Variants in DPP10 observed in about 807,000 individuals in gnomAD.
DPP10 encodes dipeptidyl peptidase like 10.
In DPP10, 33 loss-of-function variants were observed where a neutral mutation model predicts 120.9. The ratio of observed to expected loss-of-function variants is 0.27; its 90% CI spans 0.21 to 0.37. The LOEUF (loss-of-function observed/expected upper bound fraction) is 0.37, where lower values mean the gene tolerates loss of function less well. DPP10 is among the 10% of genes least tolerant of loss of function. The pLI is 1.00. For synonymous variants in DPP10, 337 were observed against 326.1 expected, an observed-to-expected ratio of 1.03 and a Z score of -0.36; for missense variants, 816 against 942.8, an observed-to-expected ratio of 0.87 and a Z score of 1.76.
chr2:115,571,845 TTGTG>T (rs10634118), intron 5 of DPP10, among the ~76,000 whole-genome samples: 1 of 149,676 alleles, frequency 6.7e-6, no homozygotes, highest in African/African-American at 2.5e-5. Flanking sequence ...CTCCAATATC[TTGTG>T]TGTGTGTGTG....
At chr2:114,613,678 T>C (rs1693455089) in intron 1 of DPP10, among the ~76,000 whole-genome samples, 1 of 152,192 alleles carries the variant, frequency 6.6e-6, no homozygotes, top group African/African-American at 2.4e-5. Context: ...CGTATGTTTA[T>C]TGCAGCACTA....
At chr2:115,271,110 G>T (rs1216952805) in intron 1 of DPP10, among the ~76,000 whole-genome samples, 1 of 152,130 alleles carries the variant, frequency 6.6e-6, no homozygotes, top group Non-Finnish European at 1.5e-5. Context: ...AAGGGAATTT[G>T]CATTTAGGTA....
intron 1 of DPP10, among the ~76,000 whole-genome samples, chr2:115,285,030 G>T (rs747253487): frequency 3.3e-5 from 5 of 151,936 alleles, no homozygotes; most frequent in Non-Finnish European, 5.9e-5. Flanking sequence ...ATAATGTCCA[G>T]CTCTTTGTTA....
chr2:115,413,360 G>A (rs766565749), intron 3 of DPP10, among the ~76,000 whole-genome samples: 1 of 152,116 alleles, frequency 6.6e-6, no homozygotes, highest in Non-Finnish European at 1.5e-5. Flanking sequence ...CAGAGACCAT[G>A]AATCAGTAAA....
intron 3 of DPP10, among the ~76,000 whole-genome samples, chr2:115,435,051 C>CATAT (rs58828924): frequency 0.03 from 4,411 of 148,056 alleles, 92 homozygotes; most frequent in South Asian, 0.075. Context: ...CACATGCACA[C>CATAT]ATATATATAT....
chr2:115,751,138 C>T (rs1340232450), intron 10 of DPP10, among the ~76,000 whole-genome samples: 1 of 152,084 alleles, frequency 6.6e-6, no homozygotes, highest in African/African-American at 2.4e-5. Flanking sequence ...CTTCAAATTT[C>T]AACAACATTT....
chr2:115,652,204 A>G (rs1383822043), intron 5 of DPP10, among the ~76,000 whole-genome samples: 1 of 152,046 alleles, frequency 6.6e-6, no homozygotes, highest in Non-Finnish European at 1.5e-5. Context: ...AATTATACCA[A>G]TAAGTTTATG....
chr2:114,803,777 C>G (rs1684475510), intron 1 of DPP10, among the ~76,000 whole-genome samples: 1 of 152,016 alleles, frequency 6.6e-6, no homozygotes, highest in Non-Finnish European at 1.5e-5. Context: ...ATAAGGGAAG[C>G]ACAGCATAAA....
chr2:114,699,965 C>T (rs1458223217), intron 1 of DPP10, among the ~76,000 whole-genome samples: 1 of 152,086 alleles, frequency 6.6e-6, no homozygotes, highest in African/African-American at 2.4e-5. Context: ...ACTTTACTGG[C>T]TACCGTGAAA....
At chr2:115,503,751 G>C (rs771924567) in intron 4 of DPP10, among the ~76,000 whole-genome samples, 3 of 152,058 alleles carry the variant, frequency 2.0e-5, no homozygotes, top group Non-Finnish European at 4.4e-5. Flanking sequence ...TCTTTCTCTA[G>C]AGCAGTGTTT....
At chr2:115,072,734 T>G (rs1707469307) in intron 1 of DPP10, among the ~76,000 whole-genome samples, 1 of 152,106 alleles carries the variant, frequency 6.6e-6, no homozygotes, top group African/African-American at 2.4e-5. Flanking sequence ...GAGAGAAGGG[T>G]GCAGGGATTT....
At chr2:114,508,899 A>T (rs1444751774) in intron 1 of DPP10, among the ~76,000 whole-genome samples, 1 of 152,114 alleles carries the variant, frequency 6.6e-6, no homozygotes, top group Non-Finnish European at 1.5e-5. Context: ...GTCTTTTAAA[A>T]TTAATTATGT....
At chr2:115,565,440 C>A (rs2080939935) in intron 5 of DPP10, among the ~76,000 whole-genome samples, 1 of 152,024 alleles carries the variant, frequency 6.6e-6, no homozygotes, top group East Asian at 1.9e-4. Flanking sequence ...ACTTAAAAAT[C>A]ATAATACATT....
rs71297186 is a variant in DPP10, at chr2:114,468,397, C to CAAAAAAAAAA, written c.60+25574_60+25583dup. 4.6e-3 allele frequency among the ~76,000 whole-genome samples: 323 copies of CAAAAAAAAAA among 69,506 alleles called. 1 individual carries two copies. The highest frequency in any genetic ancestry group is 9.7e-3 in the South Asian group (14 of 1,448). The allele number at this position is 69,506 out of a possible 152,430, so 45.6% of individuals were successfully genotyped here. ...GGATGACCTTGTCAGGCTTACAATG[C>CAAAAAAAAAA]AAAAAAAAAAAAAAAAAAAAAAAAT... On this transcript the variant is annotated intron_variant, in intron 1 of 25. Coordinates refer to ENST00000410059, the MANE Select transcript of DPP10 (RefSeq NM_020868.6).
At chr2:115,464,462 A>G (rs909269381) in intron 3 of DPP10, among the ~76,000 whole-genome samples, 5 of 151,976 alleles carry the variant, frequency 3.3e-5, no homozygotes, top group Non-Finnish European at 7.4e-5. Flanking sequence ...GGTACAGGAG[A>G]ACTAGCACCT....
chr2:115,774,193 G>A (rs1366297079), intron 13 of DPP10, among the ~76,000 whole-genome samples: 2 of 127,524 alleles, frequency 1.6e-5, no homozygotes, highest in Admixed American at 9.2e-5. Flanking sequence ...TATCTCATTT[G>A]TCTTTAAAAC....
At chr2:115,800,655 G>A (rs1685106468) in intron 19 of DPP10, among the ~76,000 whole-genome samples, 1 of 152,066 alleles carries the variant, frequency 6.6e-6, no homozygotes, top group African/African-American at 2.4e-5. Context: ...TCTACATATG[G>A]CTAGCCAGTT....
chr2:114,558,945 T>A (rs1225860537), intron 1 of DPP10, among the ~76,000 whole-genome samples: 1 of 152,192 alleles, frequency 6.6e-6, no homozygotes, highest in Non-Finnish European at 1.5e-5. Flanking sequence ...TACATCTCCA[T>A]GTCCAAGTAT....
chr2:115,254,907 C>A (rs1311496277), intron 1 of DPP10, among the ~76,000 whole-genome samples: 5 of 152,308 alleles, frequency 3.3e-5, no homozygotes, highest in African/African-American at 1.2e-4. Flanking sequence ...CGGCTGCTTT[C>A]ATGGGCTGGC....
Sources: gnomAD v4.1 joint callset for allele counts (sites outside exome capture counted in the v4.1 genomes callset) on GRCh38, gnomAD v4.1.1 for gene constraint, MANE v1.5 for transcripts, NCBI Gene and HGNC (gene_info 2026-07-23, HGNC 2026-07-21) for gene names.